Variants in NRG1 observed in about 807,000 individuals in gnomAD.
The protein encoded by NRG1 is neuregulin 1.
A neutral mutation model predicts 63.8 loss-of-function variants in NRG1; 18 were observed. The ratio of observed to expected loss-of-function variants is 0.28; its 90% CI spans 0.19 to 0.42. NRG1 has a LOEUF of 0.42. NRG1 is among the 10% of genes least tolerant of loss of function. The pLI, the probability that NRG1 is intolerant of heterozygous loss-of-function variation, is 1.00. For missense variants in NRG1, 762 were observed against 814.7 expected (o/e 0.94, Z 0.79); for synonymous variants, 302 against 301.3 (o/e 1.00, Z -0.02).
At chr8:32,356,480 CCCCCA>C (rs992495822) in intron 1 of NRG1, among the ~76,000 whole-genome samples, 61 of 127,704 alleles carry the variant, frequency 4.8e-4, no homozygotes, top group Middle Eastern at 3.8e-3. Flanking sequence ...TGGGACCCCC[CCCCCA>C]CCCGCCGGGC....
intron 1 of NRG1, among the ~76,000 whole-genome samples, chr8:32,324,211 C>T (rs190515012): frequency 8.5e-5 from 13 of 152,306 alleles, no homozygotes; most frequent in Admixed American, 8.5e-4. Context: ...CTGTAGACCT[C>T]TGTGGTTTAT....
Position 31,875,406 on chromosome 8 carries a change from T to C in NRG1, c.37+235975T>C, listed in dbSNP as rs1829835542. ...CTTCCTCTATAAAGAAAGGCCACTT[T>C]ATAATGAATTTCCTTTAGATCACGA... On this transcript the variant is annotated intron_variant, in intron 1 of 10. Coordinates refer to the NRG1 transcript ENST00000519301. 2.0e-5 allele frequency among the ~76,000 whole-genome samples: 3 copies of C among 152,194 alleles called. 1 individual carries two copies.
At chr8:32,732,851 A>G (rs1481079045) in intron 6 of NRG1, among the ~76,000 whole-genome samples, 1 of 116,842 alleles carries the variant, frequency 8.6e-6, no homozygotes, top group Non-Finnish European at 1.6e-5. Flanking sequence ...CTTGTTGCCC[A>G]GGCTGGAGTG....
chr8:32,176,728 T>C (rs1159658302), intron 1 of NRG1, among the ~76,000 whole-genome samples: 1 of 151,984 alleles, frequency 6.6e-6, no homozygotes, highest in Non-Finnish European at 1.5e-5. Flanking sequence ...CATGAAAAAA[T>C]GCTCATCATC....
intron 1 of NRG1, among the ~76,000 whole-genome samples, chr8:31,854,186 G>A (rs1237477853): frequency 7.2e-5 from 11 of 151,796 alleles, no homozygotes; most frequent in African/African-American, 2.7e-4. Context: ...CAGAAGGAAT[G>A]GTACCAGTTC....
chr8:32,570,813 A>AATACTAAG (rs1326671611), intron 1 of NRG1, among the ~76,000 whole-genome samples: 1 of 152,196 alleles, frequency 6.6e-6, no homozygotes, highest in Non-Finnish European at 1.5e-5. Context: ...TTAGGTAATC[A>AATACTAAG]ATACTAAGAT....
At chr8:32,639,385 G>T (rs1432296825) in intron 5 of NRG1, among the ~76,000 whole-genome samples, 1 of 152,202 alleles carries the variant, frequency 6.6e-6, no homozygotes, top group Admixed American at 6.5e-5. Context: ...CAGCCTAAGC[G>T]ACAGAGCAAG....
At chr8:32,317,270 TA>T (rs1441427747) in intron 1 of NRG1, among the ~76,000 whole-genome samples, 21 of 152,316 alleles carry the variant, frequency 1.4e-4, no homozygotes, top group Admixed American at 1.1e-3. Context: ...CCATAGGAAA[TA>T]AATTACATTT....
intron 8 of NRG1, 102 bp downstream of exon 8, chr8:32,754,576 TA>T (rs913106624): frequency 0.017 from 13,671 of 808,922 alleles, no homozygotes; most frequent in South Asian, 0.027. Context: ...GTCTTGGGGA[TA>T]AAAAAAAAAG....
At chr8:32,504,970 C>A (rs1588020267) in intron 1 of NRG1, among the ~76,000 whole-genome samples, 1 of 152,066 alleles carries the variant, frequency 6.6e-6, no homozygotes, top group Non-Finnish European at 1.5e-5. Flanking sequence ...AAAGAGATGG[C>A]CCTCAGGTCC....
intron 1 of NRG1, among the ~76,000 whole-genome samples, chr8:32,290,602 CTCTG>C (rs994661061): frequency 1.3e-5 from 2 of 152,116 alleles, no homozygotes; most frequent in Admixed American, 1.3e-4. Context: ...GTTACAGTGG[CTCTG>C]TCTTATGCCC....
chr8:32,719,531 GAC>G (rs1450587551), intron 5 of NRG1, among the ~76,000 whole-genome samples: 2 of 151,864 alleles, frequency 1.3e-5, no homozygotes, highest in Non-Finnish European at 2.9e-5. Flanking sequence ...TAACATGTTT[GAC>G]ACACATAAAA....
At chr8:32,459,246 A>T (rs2129488615) in intron 1 of NRG1, among the ~76,000 whole-genome samples, 1 of 152,236 alleles carries the variant, frequency 6.6e-6, no homozygotes, top group Admixed American at 6.5e-5. Context: ...GCTATCTGGT[A>T]GTTATTCCCT....
chr8:32,275,886 C>G (rs117426708), intron 1 of NRG1, among the ~76,000 whole-genome samples: 1,819 of 152,242 alleles, frequency 0.012, 16 homozygotes, highest in South Asian at 0.018. Context: ...AGTACAAATT[C>G]TGCTATTTCT....
At chr8:31,989,253 C>CAAAAAAAAAAAAAAAAAAAA (rs10692906) in intron 1 of NRG1, among the ~76,000 whole-genome samples, 110 of 47,442 alleles carry the variant, frequency 2.3e-3, no homozygotes, top group East Asian at 1.0e-2. Flanking sequence ...GACTCTGTCT[C>CAAAAAAAAAAAAAAAAAAAA]AAAAAAAAAA....
chr8:32,523,482 C>A (rs891133519), intron 1 of NRG1, among the ~76,000 whole-genome samples: 3 of 152,156 alleles, frequency 2.0e-5, no homozygotes, highest in Non-Finnish European at 4.4e-5. Context: ...GTCTTAACTT[C>A]TTTAGTGGTA....
chr8:32,750,614 C>T (rs556175498), intron 7 of NRG1, among the ~76,000 whole-genome samples: 8 of 150,400 alleles, frequency 5.3e-5, no homozygotes, highest in African/African-American at 2.0e-4. Context: ...ACATCACAGG[C>T]TGGACATAAT....
intron 1 of NRG1, among the ~76,000 whole-genome samples, chr8:32,510,588 GA>G (rs1829061632): frequency 1.3e-5 from 2 of 152,080 alleles, no homozygotes; most frequent in Non-Finnish European, 2.9e-5. Context: ...TTCTTTGGAG[GA>G]GTAGAAGGTG....
rs529543176 is a variant in NRG1, at chr8:32,227,751, C to T, written c.38-368077C>T. On this transcript the variant is annotated intron_variant, in intron 1 of 10. Coordinates refer to the NRG1 transcript ENST00000519301. ...TCATCAGAATACATACTTAGACCCTCTCCCTTCTTTCTGGCCCCCTGCTTC... is the reference window on the plus strand; with the variant it reads ...TCATCAGAATACATACTTAGACCCTTTCCCTTCTTTCTGGCCCCCTGCTTC... 2.0e-5 allele frequency among the ~76,000 whole-genome samples: 3 copies of T among 152,290 alleles called. No homozygotes were observed. In the East Asian group the frequency reaches 5.8e-4, roughly 29 times the overall value.
Sources: gnomAD v4.1 joint callset for allele counts (sites outside exome capture counted in the v4.1 genomes callset) on GRCh38, gnomAD v4.1.1 for gene constraint, MANE v1.5 for transcripts, NCBI Gene and HGNC (gene_info 2026-07-23, HGNC 2026-07-21) for gene names.